Variants in NCOA2 observed in about 807,000 individuals in gnomAD.
The protein encoded by NCOA2 is nuclear receptor coactivator 2.
In NCOA2, 21 loss-of-function variants were observed where a neutral mutation model predicts 145.1. The ratio of observed to expected loss-of-function variants is 0.14; its 90% CI spans 0.10 to 0.21. The LOEUF is 0.21. Ranked by LOEUF, NCOA2 falls within the 10% of genes least tolerant of loss-of-function variation. NCOA2 has a pLI of 1.00. For synonymous variants in NCOA2, 619 were observed against 637.5 expected, an observed-to-expected ratio of 0.97 and a Z score of 0.44; for missense variants, 1,472 against 1,837.6, an observed-to-expected ratio of 0.80 and a Z score of 3.64.
At chr8:70,151,553 G>A (rs1187898768) in intron 11 of NCOA2, among the ~76,000 whole-genome samples, 2 of 152,182 alleles carry the variant, frequency 1.3e-5, no homozygotes, top group Admixed American at 6.5e-5. Flanking sequence ...TTCCCAAAGT[G>A]TTGGGATTAC....
At chr8:70,247,975 T>C (rs1342565409) in intron 2 of NCOA2, among the ~76,000 whole-genome samples, 1 of 152,236 alleles carries the variant, frequency 6.6e-6, no homozygotes, top group Non-Finnish European at 1.5e-5. Flanking sequence ...TAAAATTGCC[T>C]AACTCTCCTC....
At chr8:70,299,095 A>G (rs1827303948) in intron 1 of NCOA2, among the ~76,000 whole-genome samples, 1 of 152,154 alleles carries the variant, frequency 6.6e-6, no homozygotes, top group African/African-American at 2.4e-5. Context: ...AAAAAACCAG[A>G]AAGATGTTTA....
chr8:70,328,558 G>A (rs1169794282), intron 1 of NCOA2, among the ~76,000 whole-genome samples: 1 of 151,936 alleles, frequency 6.6e-6, no homozygotes, highest in Non-Finnish European at 1.5e-5. Flanking sequence ...TGTTATAGAA[G>A]AACTCTATTA....
At chr8:70,226,660 T>TTA (rs10554067) in intron 2 of NCOA2, among the ~76,000 whole-genome samples, 1,769 of 146,586 alleles carry the variant, frequency 0.012, 13 homozygotes, top group African/African-American at 0.022. Context: ...TTTTAATTAT[T>TTA]TATATATATA....
chr8:70,417,970 C>T, the NCOA2 span, among the ~76,000 whole-genome samples: 1 of 152,130 alleles, frequency 6.6e-6, no homozygotes, highest in Non-Finnish European at 1.5e-5. Flanking sequence ...GTTCATGGAG[C>T]CATTGTTATG....
chr8:70,319,315 G>C (rs994251028), intron 1 of NCOA2, among the ~76,000 whole-genome samples: 3 of 152,104 alleles, frequency 2.0e-5, no homozygotes, highest in Non-Finnish European at 4.4e-5. Flanking sequence ...GCTGAGGTGG[G>C]CAGGTCGCTT....
the NCOA2 span, among the ~76,000 whole-genome samples, chr8:70,437,388 C>T: frequency 6.6e-6 from 1 of 152,202 alleles, no homozygotes; most frequent in African/African-American, 2.4e-5. Flanking sequence ...GTATTACCTG[C>T]ATCTGGCAGA....
intron 2 of NCOA2, among the ~76,000 whole-genome samples, chr8:70,220,522 G>A (rs1820045475): frequency 5.3e-5 from 8 of 152,192 alleles, no homozygotes; most frequent in Admixed American, 5.2e-4. Flanking sequence ...GCTTGGATGA[G>A]CTAGACGGTA....
At chr8:70,307,220 CAAAA>C (rs57161747) in intron 1 of NCOA2, among the ~76,000 whole-genome samples, 3 of 71,636 alleles carry the variant, frequency 4.2e-5, no homozygotes, top group Admixed American at 1.6e-4. Flanking sequence ...CCTACATAAG[CAAAA>C]AAAAAAAAAA....
intron 2 of NCOA2, among the ~76,000 whole-genome samples, chr8:70,233,953 T>C (rs1373555927): frequency 6.6e-6 from 1 of 152,166 alleles, no homozygotes; most frequent in Non-Finnish European, 1.5e-5. Flanking sequence ...ACCATCACCA[T>C]ATGTAATTCC....
At chr8:70,172,785 T>A (rs1466178860) in intron 5 of NCOA2, among the ~76,000 whole-genome samples, 1 of 152,220 alleles carries the variant, frequency 6.6e-6, no homozygotes, top group Non-Finnish European at 1.5e-5. Flanking sequence ...CTACTGCTTA[T>A]ACCACAGTAA....
rs774406485 is a variant in NCOA2, at chr8:70,156,818, G to T, written c.1547C>A (p.Pro516His). The T allele has an allele frequency of 2.7e-5, 44 of 1,614,022 alleles. No individual in the cohort carries two copies. Among genetic ancestry groups the T allele is most frequent in the Non-Finnish European group, 3.6e-5 (42 of 1,179,898 alleles). ...QFSPAGSLHSPVGVCSSTGNS... is the reference protein window; with the variant it reads ...QFSPAGSLHSHVGVCSSTGNS... ...TCCTGTGCTGCTGCAAACTCCCACAGGGGAATGCAAGCTTCCTGCAGGGGA... is the reference window on the plus strand; with the variant it reads ...TCCTGTGCTGCTGCAAACTCCCACATGGGAATGCAAGCTTCCTGCAGGGGA... Residue 516 changes from proline (P) to histidine (H), a missense_variant, in exon 11 of 23, where the codon CCT becomes CAT. Physicochemically the swap from Pro to His is moderately conservative, Grantham distance 77 (BLOSUM62 -2). Coordinates refer to ENST00000452400, the MANE Select transcript of NCOA2 (RefSeq NM_006540.4).
chr8:70,213,915 T>G lies in NCOA2; in HGVS notation c.247A>C (p.Ile83Leu). The change falls in exon 4 of 23, where the codon ATC becomes CTC. Residue 83 changes from isoleucine (I) to leucine (L), a missense_variant. Coordinates refer to ENST00000452400, the MANE Select transcript of NCOA2 (RefSeq NM_006540.4). ...TCAGTCCTCTTACCTTGTTCTTTGATCTGACGAATTTGCTTCACAGTTTCT... is the reference window on the plus strand; with the variant it reads ...TCAGTCCTCTTACCTTGTTCTTTGAGCTGACGAATTTGCTTCACAGTTTCT... ...LKETVKQIRQ[I>L]KEQEKAAAAN... 1 of 1,594,826 alleles carries G rather than the reference T, an allele frequency of 6.3e-7. No homozygotes were observed. The highest frequency in any genetic ancestry group is 1.3e-5 in the African/African-American group (1 of 74,418).
the NCOA2 span, among the ~76,000 whole-genome samples, chr8:70,444,724 T>C: frequency 1.3e-5 from 2 of 152,210 alleles, no homozygotes; most frequent in African/African-American, 4.8e-5. Context: ...GCAATTTCTC[T>C]GAACCTGGGG....
At chr8:70,296,031 T>C (rs1827063113) in intron 2 of NCOA2, among the ~76,000 whole-genome samples, 1 of 152,240 alleles carries the variant, frequency 6.6e-6, no homozygotes, top group Admixed American at 6.5e-5. Context: ...ATATTCTTAA[T>C]GTTTATTACC....
intron 4 of NCOA2, among the ~76,000 whole-genome samples, chr8:70,210,584 A>T (rs1488955499): frequency 6.6e-6 from 1 of 152,194 alleles, no homozygotes; most frequent in African/African-American, 2.4e-5. Context: ...TAATTTAACT[A>T]GCTGGTAATT....
intron 1 of NCOA2, among the ~76,000 whole-genome samples, chr8:70,397,406 T>C (rs2131730225): frequency 7.0e-6 from 1 of 143,730 alleles, no homozygotes; most frequent in East Asian, 2.0e-4. Context: ...TGAGCTGAGA[T>C]CACACCACTG....
At chr8:70,451,016 G>T in the NCOA2 span, among the ~76,000 whole-genome samples, 36 of 150,206 alleles carry the variant, frequency 2.4e-4, no homozygotes, top group Non-Finnish European at 2.8e-4. Context: ...AGGAGTTCAA[G>T]AACAGTCTGG....
rs1812258425 is a variant in NCOA2, at chr8:70,156,102, T to C, written c.2263A>G (p.Lys755Glu). The change falls in exon 11 of 23, where the codon AAA (lysine) becomes GAA (glutamate). Residue 755 changes from lysine to glutamate, a missense_variant. Coordinates refer to ENST00000452400, the MANE Select transcript of NCOA2 (RefSeq NM_006540.4). ...LRYLLDKDDTKDIGLPEITPK... is the reference protein window; with the variant it reads ...LRYLLDKDDTEDIGLPEITPK... Reference sequence around the variant, plus strand: ...GTTATTTCTGGTAAACCAATATCTTTAGTATCATCTTTATCTAGCAAATAG... The same window carrying C: ...GTTATTTCTGGTAAACCAATATCTTCAGTATCATCTTTATCTAGCAAATAG... 2 of 1,613,890 alleles carry C rather than the reference T, an allele frequency of 1.2e-6. No homozygotes were observed. Among genetic ancestry groups the C allele is most frequent in the East Asian group, 4.5e-5 (2 of 44,896 alleles).
Sources: allele counts gnomAD v4.1 joint callset (sites outside exome capture counted in the v4.1 genomes callset), GRCh38; gene constraint gnomAD v4.1.1; transcripts MANE v1.5; gene names NCBI Gene and HGNC (gene_info 2026-07-23, HGNC 2026-07-21).